The following PRSS12 variants were observed in gnomAD, a reference collection of about 807,000 sequenced individuals.
The protein encoded by PRSS12 is serine protease 12.
In PRSS12, 85 loss-of-function variants were observed where a neutral mutation model predicts 104.4. The ratio of observed to expected loss-of-function variants is 0.81; its 90% CI spans 0.68 to 0.98. The LOEUF is 0.98. PRSS12 is among the 50% of genes least tolerant of loss of function. The pLI is 0.00. For synonymous variants in PRSS12, 454 were observed against 425.2 expected (o/e 1.07, Z -0.83); for missense variants, 1,141 against 1,139.2 (o/e 1.00, Z -0.02).
chr4:118,317,496 C>T (rs921488914), intron 5 of PRSS12, among the ~76,000 whole-genome samples: 11 of 152,128 alleles, frequency 7.2e-5, no homozygotes, highest in Non-Finnish European at 1.0e-4. Flanking sequence ...TTATGACATG[C>T]ATTATCTCAT....
At chr4:118,322,367 T>C (rs1160571729) in intron 4 of PRSS12, among the ~76,000 whole-genome samples, 1 of 152,022 alleles carries the variant, frequency 6.6e-6, no homozygotes, top group Non-Finnish European at 1.5e-5. Flanking sequence ...CTGATCAATG[T>C]AGTGAAACCC....
At chr4:118,329,187 C>A (rs1723858896) in intron 4 of PRSS12, among the ~76,000 whole-genome samples, 1 of 152,164 alleles carries the variant, frequency 6.6e-6, no homozygotes, top group Admixed American at 6.6e-5. Context: ...AAAGCATGAG[C>A]CACTGCACCT....
chr4:118,341,644 T>C (rs1423898691), intron 1 of PRSS12, among the ~76,000 whole-genome samples: 3 of 152,114 alleles, frequency 2.0e-5, no homozygotes, highest in Admixed American at 1.3e-4. Flanking sequence ...ATCTCACCAC[T>C]GCATTCCAGC....
chr4:118,314,272 A>G (rs1743840726), intron 6 of PRSS12, among the ~76,000 whole-genome samples: 1 of 151,996 alleles, frequency 6.6e-6, no homozygotes, highest in Admixed American at 6.6e-5. Context: ...TGTACTAAGA[A>G]TATGAAGAGA....
intron 8 of PRSS12, among the ~76,000 whole-genome samples, chr4:118,304,917 A>C (rs1053412334): frequency 6.6e-6 from 1 of 151,906 alleles, no homozygotes; most frequent in African/African-American, 2.4e-5. Flanking sequence ...ATCCTCATGC[A>C]TCATAGAACT....
chr4:118,348,839 CAG>C (rs908431403), intron 1 of PRSS12, among the ~76,000 whole-genome samples: 3 of 151,946 alleles, frequency 2.0e-5, no homozygotes, highest in Admixed American at 6.6e-5. Context: ...TTAGTAGAGA[CAG>C]GGGTTTCTCC....
intron 7 of PRSS12, among the ~76,000 whole-genome samples, chr4:118,311,074 TA>T (rs1282499427): frequency 6.6e-6 from 1 of 152,012 alleles, no homozygotes; most frequent in East Asian, 1.9e-4. Flanking sequence ...ATTAATTAAT[TA>T]AATTAAGCCT....
intron 6 of PRSS12, among the ~76,000 whole-genome samples, chr4:118,314,620 A>C (rs893066088): frequency 6.6e-6 from 1 of 152,114 alleles, no homozygotes; most frequent in East Asian, 1.9e-4. Flanking sequence ...TTACAAAAGA[A>C]TATTCTTTTT....
At chr4:118,291,695 T>C (rs754798368) in intron 11 of PRSS12, among the ~76,000 whole-genome samples, 7 of 152,160 alleles carry the variant, frequency 4.6e-5, no homozygotes, top group Middle Eastern at 3.4e-3. Context: ...TCCCTGACAG[T>C]TGCTTGAGCA....
intron 1 of PRSS12, among the ~76,000 whole-genome samples, chr4:118,343,235 A>G (rs1419190734): frequency 6.6e-6 from 1 of 152,142 alleles, no homozygotes; most frequent in African/African-American, 2.4e-5. Flanking sequence ...CAAAAAAAAA[A>G]AAATTAAAAA....
At position 118,299,799 on chromosome 4, in the gene PRSS12, A is replaced by T. The variant is rs375692516; in HGVS notation, c.1632-861T>A. Among the ~76,000 whole-genome samples the T allele has an allele frequency of 1.7e-3, 196 of 112,148 alleles. 1 individual carries two copies. Among genetic ancestry groups the T allele is most frequent in the African/African-American group, 5.9e-3 (189 of 32,264 alleles). The allele number at this position is 112,148 out of a possible 152,430, so 73.6% of individuals were successfully genotyped here. ...TAAAATAAAATAAAATAAAATAAAT[A>T]AAATAAAATAAATAAAATAAAATAA... On this transcript the variant is annotated intron_variant, in intron 8 of 12. Transcript: ENST00000296498.
In PRSS12 at chr4:118,352,760, T is replaced by C; in HGVS notation, c.-40A>G. ...GGGGTCTGGTCCATGCTCCCCAGCT[T>C]CTCGGGCTTGGAGCGGAGAAGAGGA... On this transcript the variant is annotated 5_prime_UTR_variant, in exon 1 of 13. Transcript: ENST00000296498. The C allele has an allele frequency of 6.2e-7, 1 of 1,606,724 alleles. No individual in the cohort carries two copies. Among genetic ancestry groups the C allele is most frequent in the Non-Finnish European group, 8.5e-7 (1 of 1,176,654 alleles).
chr4:118,346,982 C>T (rs528287075), intron 1 of PRSS12, among the ~76,000 whole-genome samples: 1 of 151,706 alleles, frequency 6.6e-6, no homozygotes, highest in Non-Finnish European at 1.5e-5. Flanking sequence ...CACATGCACA[C>T]ACACACACAC....
rs767574605 is a variant in PRSS12, at chr4:118,318,551, A to G, written c.977T>C (p.Ile326Thr). ...ATATGCCTGATGCCATGCTTTGGCA[A>G]TGCCACTGAACAAATAAAAGAATGT... ...VICRQLGLSG[I>T]AKAWHQAYFG... Residue 326 changes from isoleucine to threonine, a missense_variant, in exon 5 of 13, where the codon ATT becomes ACT. By Grantham distance (89) the Ile-to-Thr change is moderately conservative. Transcript: ENST00000296498. 6.8e-6 allele frequency: 11 copies of G among 1,613,918 alleles called. 1 individual carries two copies. Among genetic ancestry groups the G allele is most frequent in the South Asian group, 6.6e-5 (6 of 91,058 alleles).
intron 6 of PRSS12, among the ~76,000 whole-genome samples, chr4:118,314,836 A>G (rs1743864009): frequency 6.6e-6 from 1 of 152,132 alleles, no homozygotes; most frequent in African/African-American, 2.4e-5. Flanking sequence ...AAAAATAGAA[A>G]TAACAGGATT....
At chr4:118,284,486 T>A (rs1451301740) in intron 11 of PRSS12, among the ~76,000 whole-genome samples, 1 of 152,212 alleles carries the variant, frequency 6.6e-6, no homozygotes, top group East Asian at 1.9e-4. Context: ...GCAATGAGTG[T>A]ATTCTCCACC....
intron 1 of PRSS12, among the ~76,000 whole-genome samples, chr4:118,346,439 A>G (rs1724357087): frequency 7.2e-6 from 1 of 138,080 alleles, no homozygotes; most frequent in Non-Finnish European, 1.6e-5. Context: ...CCTAAACACT[A>G]TCGTAAACAC....
chr4:118,318,280 T>G lies in PRSS12; in HGVS notation c.1150+98A>C, dbSNP rs932493994. The G allele has an allele frequency of 8.7e-6, 10 of 1,153,586 alleles. No homozygotes were observed. In the African/African-American group the frequency reaches 1.5e-4, roughly 18 times the overall value. The allele number at this position is 1,153,586 out of a possible 1,614,324, so 71.5% of individuals were successfully genotyped here. ...TTATTTGGTGTATTTATTTGTATGC[T>G]CATTTGGTAATGTTGAAATTAAGGA... On this transcript the variant is annotated intron_variant, in intron 5 of 12. Transcript: ENST00000296498.
rs146884286 is a variant in PRSS12 at position 118,335,575 on chromosome 4, G to A, written c.718C>T (p.Arg240Ter). 1.4e-5 allele frequency: 23 copies of A among 1,613,788 alleles called. No individual in the cohort carries two copies. The East Asian group carries it at 2.0e-4, about 14-fold the overall frequency. ...AGCAGTATATTTTCTTCATCTCCTC[G>A]GCAACGGACATTGCTCCAATAAATG... ...IPIYWSNVRC[R>*]GDEENILLCE... The change falls in exon 3 of 13, where the codon CGA becomes TGA. Residue 240 changes from arginine to a stop codon, truncating the protein, a stop_gained. Transcript: ENST00000296498. LOFTEE classifies it high-confidence loss of function.
Sources: gnomAD v4.1 joint callset for allele counts (sites outside exome capture counted in the v4.1 genomes callset) on GRCh38, gnomAD v4.1.1 for gene constraint, MANE v1.5 for transcripts, NCBI Gene and HGNC (gene_info 2026-07-23, HGNC 2026-07-21) for gene names.